Variants in C10orf53 observed in about 807,000 individuals in gnomAD.
C10orf53 encodes UPF0728 protein C10orf53.
C10orf53 carries 8 observed loss-of-function variants against 9.4 expected under a neutral mutation model. The ratio of observed to expected loss-of-function variants is 0.85; its 90% CI spans 0.50 to 1.53. The LOEUF (loss-of-function observed/expected upper bound fraction) is 1.53. C10orf53 is among the 40% of genes most tolerant of loss of function. The probability of loss-of-function intolerance (pLI) is 0.00; values close to 1 mark genes in which losing one functional copy is unlikely to be tolerated. For missense variants in C10orf53, 117 were observed against 117.8 expected, an observed-to-expected ratio of 0.99 and a Z score of 0.03; for synonymous variants, 48 against 46.0, an observed-to-expected ratio of 1.04 and a Z score of -0.18.
At chr10:49,699,531 A>G (rs180894533), downstream of C10orf53, among the ~76,000 whole-genome samples, 1 of 152,186 alleles carries the variant, frequency 6.6e-6, no homozygotes, top group African/African-American at 2.4e-5. Context: ...GTGCCAACTG[A>G]AAAACCAAAA....
chr10:49,695,265 C>T lies in C10orf53; in HGVS notation c.*663C>T, dbSNP rs1202600551. On this transcript the variant is annotated 3_prime_UTR_variant, in exon 3 of 3. Transcript: ENST00000374111. ...GCAGAATGTGAGATGGTTCCCTGGTCCCTCTGGAGTAGAACACAGCCCCAT... is the reference window on the plus strand; with the variant it reads ...GCAGAATGTGAGATGGTTCCCTGGTTCCTCTGGAGTAGAACACAGCCCCAT... The T allele has an allele frequency of 6.6e-6, 1 of 152,274 alleles. No homozygotes were observed. The highest frequency in any genetic ancestry group is 2.4e-5 in the African/African-American group (1 of 41,424). 9.4% of individuals were successfully genotyped at this position (152,274 alleles called of 1,614,324 possible). A position where few individuals can be genotyped will look rare whatever the true frequency, so the allele number is the denominator to read the frequency against.
intron 1 of C10orf53, among the ~76,000 whole-genome samples, chr10:49,682,388 G>T (rs1057373100): frequency 9.2e-5 from 14 of 152,160 alleles, no homozygotes; most frequent in Non-Finnish European, 1.8e-4. Flanking sequence ...GTTCCTCCTG[G>T]TGGGCTCGTG....
At chr10:49,685,961 G>A (rs1244079367) in intron 1 of C10orf53, among the ~76,000 whole-genome samples, 1 of 151,978 alleles carries the variant, frequency 6.6e-6, no homozygotes, top group East Asian at 1.9e-4. Flanking sequence ...ACTTTCACTA[G>A]GTATATGTTG....
At chr10:49,680,472 C>T (rs1840468617) in intron 1 of C10orf53, among the ~76,000 whole-genome samples, 1 of 152,236 alleles carries the variant, frequency 6.6e-6, no homozygotes, top group South Asian at 2.1e-4. Context: ...AGAGGAATGC[C>T]TTCCAGGCAG....
downstream of C10orf53, among the ~76,000 whole-genome samples, chr10:49,701,238 C>CA (rs1840680673): frequency 6.6e-6 from 1 of 152,052 alleles, no homozygotes; most frequent in South Asian, 2.1e-4. Flanking sequence ...TATCAGGTTT[C>CA]AGCTCGTTCA....
intron 2 of C10orf53, among the ~76,000 whole-genome samples, chr10:49,707,146 C>T (rs527965153): frequency 1.7e-5 from 2 of 118,510 alleles, no homozygotes; most frequent in African/African-American, 6.1e-5. Context: ...CATGGACCAT[C>T]TCAGATGTAA....
intron 1 of C10orf53, among the ~76,000 whole-genome samples, chr10:49,693,261 A>G (rs892092646): frequency 6.6e-6 from 1 of 152,254 alleles, no homozygotes; most frequent in Non-Finnish European, 1.5e-5. Context: ...GAGAAAAGAC[A>G]TCTTGTTGCA....
intron 2 of C10orf53, among the ~76,000 whole-genome samples, chr10:49,707,346 C>G (rs946723766): frequency 1.3e-5 from 2 of 152,178 alleles, no homozygotes; most frequent in Non-Finnish European, 2.9e-5. Context: ...CTTTCCCACT[C>G]CATCCCTTCC....
chr10:49,687,776 G>T (rs1251255598), intron 1 of C10orf53, among the ~76,000 whole-genome samples: 1 of 152,216 alleles, frequency 6.6e-6, no homozygotes, highest in Non-Finnish European at 1.5e-5. Flanking sequence ...TATTGGGTCT[G>T]GTTGGAGGAG....
intron 1 of C10orf53, among the ~76,000 whole-genome samples, chr10:49,684,745 C>T (rs9888057): frequency 4.2e-4 from 64 of 152,296 alleles, no homozygotes; most frequent in African/African-American, 1.3e-3. Flanking sequence ...TTAGCATTAA[C>T]AACATTTTTT....
intron 1 of C10orf53, among the ~76,000 whole-genome samples, chr10:49,692,796 A>ACT (rs1840597080): frequency 1.3e-5 from 2 of 152,224 alleles, no homozygotes; most frequent in Non-Finnish European, 2.9e-5. Context: ...AAATCTGACA[A>ACT]TTATTCCATA....
intron 2 of C10orf53, among the ~76,000 whole-genome samples, chr10:49,705,326 A>G (rs570091526): frequency 1.7e-4 from 26 of 152,210 alleles, no homozygotes; most frequent in Admixed American, 1.6e-3. Context: ...ATCTTTCACT[A>G]TACATCCTTT....
At chr10:49,694,155 G>A in intron 2 of C10orf53, 1 of 594,786 alleles carries the variant, frequency 1.7e-6, no homozygotes, top group Non-Finnish European at 2.9e-6. Flanking sequence ...GACTTCGAGG[G>A]ATGTGATGGA....
At chr10:49,689,549 C>T (rs1455099626) in intron 1 of C10orf53, among the ~76,000 whole-genome samples, 1 of 152,114 alleles carries the variant, frequency 6.6e-6, no homozygotes, top group Non-Finnish European at 1.5e-5. Flanking sequence ...CTCACACACG[C>T]ACTAGGATGC....
chr10:49,685,618 A>G (rs894318887), intron 1 of C10orf53, among the ~76,000 whole-genome samples: 3 of 152,206 alleles, frequency 2.0e-5, no homozygotes, highest in Admixed American at 1.3e-4. Context: ...TGACCAATAC[A>G]ACAGGTTCTT....
In C10orf53 at chr10:49,693,832, G is replaced by A; in HGVS notation, c.156G>A (p.Val52=). The A allele has an allele frequency of 6.2e-7, 1 of 1,613,970 alleles. No homozygotes were observed. Among genetic ancestry groups the A allele is most frequent in the Non-Finnish European group, 8.5e-7 (1 of 1,179,792 alleles). The change falls in exon 2 of 3, where the codon GTG becomes GTA. Residue 52 remains valine, a synonymous_variant. Coordinates refer to ENST00000374111, the MANE Select transcript of C10orf53 (RefSeq NM_001042427.3). The part of the protein sequence containing the change: ...VILEKIEDWN[V]VELMVNEEVI... ...TAGAGAAGATAGAAGACTGGAATGT[G>A]GTGGAACTCATGGTGAATGAAGAAG...
intron 1 of C10orf53, among the ~76,000 whole-genome samples, chr10:49,690,512 C>A (rs916926752): frequency 6.6e-6 from 1 of 152,212 alleles, no homozygotes; most frequent in African/African-American, 2.4e-5. Context: ...CTTTTCTGAA[C>A]TTACCATGCC....
At chr10:49,693,932 T>G in intron 2 of C10orf53, 39 bp downstream of exon 2, 1 of 1,613,648 alleles carries the variant, frequency 6.2e-7, no homozygotes, top group Non-Finnish European at 8.5e-7. Context: ...GCAATTTGCC[T>G]CCTCTGAGGA....
At chr10:49,690,082 G>T (rs1180530721) in intron 1 of C10orf53, among the ~76,000 whole-genome samples, 1 of 152,156 alleles carries the variant, frequency 6.6e-6, no homozygotes, top group Non-Finnish European at 1.5e-5. Flanking sequence ...TGCAGGAGGT[G>T]AGCGGGTGGA....
Sources: gnomAD v4.1 joint callset for allele counts (sites outside exome capture counted in the v4.1 genomes callset) on GRCh38, gnomAD v4.1.1 for gene constraint, MANE v1.5 for transcripts, NCBI Gene and HGNC (gene_info 2026-07-23, HGNC 2026-07-21) for gene names.